Variants in C12orf56 observed in about 807,000 individuals in gnomAD.
C12orf56 encodes the protein chromosome 12 open reading frame 56, also known as uncharacterized protein C12orf56.
Under a neutral mutation model 69.9 loss-of-function variants are expected in C12orf56, and 71 were observed. The observed-to-expected ratio is 1.02, with a 90% confidence interval of 0.84 to 1.24. The LOEUF (loss-of-function observed/expected upper bound fraction) is 1.24. Ranked by LOEUF, C12orf56 falls within the 50% of genes most tolerant of loss-of-function variation. The pLI is 0.00. For missense variants in C12orf56, 732 were observed against 738.5 expected (o/e 0.99, Z 0.10); for synonymous variants, 276 against 274.1 (o/e 1.01, Z -0.07).
At chr12:64,383,537 C>T (rs926747464) in intron 1 of C12orf56, among the ~76,000 whole-genome samples, 4 of 151,902 alleles carry the variant, frequency 2.6e-5, no homozygotes, top group Non-Finnish European at 5.9e-5. Context: ...CCACCACATC[C>T]AGCTAATTTT....
chr12:64,329,721 C>T (rs1475308929), intron 3 of C12orf56, among the ~76,000 whole-genome samples: 1 of 137,466 alleles, frequency 7.3e-6, no homozygotes, highest in Non-Finnish European at 1.5e-5. Flanking sequence ...GTTCCCCTTC[C>T]TGTGTCCATG....
chr12:64,338,638 C>A, intron 2 of C12orf56: 1 of 1,593,012 alleles, frequency 6.3e-7, no homozygotes, highest in Non-Finnish European at 8.6e-7. Context: ...ATTCCATAAT[C>A]TTTAGTCTTT....
At chr12:64,376,658 G>A (rs1468527040) in intron 1 of C12orf56, among the ~76,000 whole-genome samples, 1 of 130,168 alleles carries the variant, frequency 7.7e-6, no homozygotes, top group African/African-American at 3.0e-5. Flanking sequence ...TCCCCACTAT[G>A]TGTCCATGTG....
intron 1 of C12orf56, among the ~76,000 whole-genome samples, chr12:64,384,160 GT>G (rs2039757869): frequency 6.6e-6 from 1 of 152,010 alleles, no homozygotes; most frequent in African/African-American, 2.4e-5. Flanking sequence ...AAGCTAAGCA[GT>G]TTTTTTTAAG....
Position 64,365,162 on chromosome 12 carries a change from C to CT in C12orf56, c.253-12107dup, listed in dbSNP as rs386376771. On this transcript the variant is annotated intron_variant, in intron 1 of 12. Coordinates refer to ENST00000543942, the MANE Select transcript of C12orf56 (RefSeq NM_001170633.2). ...ACTTCATCAGCTGTTAAAGCTGTTC[C>CT]TTTTTTTTTTTTTTTTTTTTAGATG... Among the ~76,000 whole-genome samples, 536 of 123,046 alleles carry CT rather than the reference C, an allele frequency of 4.4e-3. 5 individuals carry two copies. Among genetic ancestry groups the CT allele is most frequent in the East Asian group, 0.041 (169 of 4,130 alleles). 80.7% of individuals were successfully genotyped at this position (123,046 alleles called of 152,430 possible).
intron 8 of C12orf56, among the ~76,000 whole-genome samples, chr12:64,282,481 A>G (rs2038142023): frequency 6.6e-6 from 1 of 152,160 alleles, no homozygotes; most frequent in Non-Finnish European, 1.5e-5. Context: ...CTGCTACACA[A>G]CATAATATGC....
intron 1 of C12orf56, among the ~76,000 whole-genome samples, chr12:64,387,497 T>C (rs1592511092): frequency 1.3e-5 from 2 of 152,294 alleles, no homozygotes; most frequent in East Asian, 3.9e-4. Context: ...CAGTACTTTT[T>C]AGATTCTCAC....
Position 64,365,246 on chromosome 12 carries a change from C to A in C12orf56, c.253-12190G>T, listed in dbSNP as rs1216905073. On this transcript the variant is annotated intron_variant, in intron 1 of 12. Transcript: ENST00000543942. ...GTGGCGCGATCTCGGCTCACTGCAA[C>A]CTCCGCCTTCCGGTTTCAAGTGATT... 2.0e-5 allele frequency among the ~76,000 whole-genome samples: 3 copies of A among 149,460 alleles called. No individual in the cohort carries two copies. In the East Asian group the frequency reaches 5.9e-4, roughly 29 times the overall value.
chr12:64,380,135 CAAAACAAA>C lies in C12orf56; in HGVS notation c.252+10171_252+10178del, dbSNP rs79153405. Among the ~76,000 whole-genome samples, 23 of 43,298 alleles carry C rather than the reference CAAAACAAA, an allele frequency of 5.3e-4. 2 individuals are homozygous for C. Among genetic ancestry groups the C allele is most frequent in the Middle Eastern group, 0.014 (1 of 70 alleles). The allele number at this position is 43,298 out of a possible 152,430, so 28.4% of individuals were successfully genotyped here. A position where few individuals can be genotyped will look rare whatever the true frequency, so the allele number is the denominator to read the frequency against. On this transcript the variant is annotated intron_variant, in intron 1 of 12. Coordinates refer to ENST00000543942, the MANE Select transcript of C12orf56 (RefSeq NM_001170633.2). ...AAAAAAAAAAAAAAAAAAAAAAAAA[CAAAACAAA>C]CAAAAAAAAACGCACAATGCAGCTA...
At chr12:64,283,646 CT>C (rs57539069) in intron 8 of C12orf56, among the ~76,000 whole-genome samples, 9,499 of 138,642 alleles carry the variant, frequency 0.069, 310 homozygotes, top group African/African-American at 0.11. Context: ...GCTTCTCTCT[CT>C]TTTTTTTTTT....
At chr12:64,354,520 T>G (rs1162007781) in intron 1 of C12orf56, among the ~76,000 whole-genome samples, 1 of 151,966 alleles carries the variant, frequency 6.6e-6, no homozygotes, top group Non-Finnish European at 1.5e-5. Flanking sequence ...TGCAATGACA[T>G]GATCTCAGCT....
chr12:64,282,032 T>G (rs1027921841), intron 8 of C12orf56, among the ~76,000 whole-genome samples: 2 of 152,092 alleles, frequency 1.3e-5, no homozygotes, highest in Admixed American at 1.3e-4. Flanking sequence ...TCTTGGAGAT[T>G]AGGGAAACGG....
In C12orf56 at chr12:64,303,749, T is replaced by A; in HGVS notation, c.999A>T (p.Gln333His). The change falls in exon 6 of 13, where the codon CAA (glutamine) becomes CAT (histidine). Residue 333 changes from glutamine (Q) to histidine (H), a missense_variant. Physicochemically the swap from Gln to His is conservative, Grantham distance 24 (BLOSUM62 0). Coordinates refer to ENST00000543942, the MANE Select transcript of C12orf56 (RefSeq NM_001170633.2). ...RSEEKIKHFS[Q>H]LKSELFLKDN... ...CTTTAAGAAAAAGTTCAGATTTAAG[T>A]TGACTGAAGTGCTTAATTTTCTCCT... is the stretch of plus-strand genomic sequence containing the variant. The A allele has an allele frequency of 6.3e-7, 1 of 1,587,104 alleles. No homozygotes were observed. Among genetic ancestry groups the A allele is most frequent in the Non-Finnish European group, 8.6e-7 (1 of 1,168,678 alleles).
intron 3 of C12orf56, among the ~76,000 whole-genome samples, 192 bp from the exon 4 acceptor site, chr12:64,319,172 T>C (rs536321416): frequency 1.3e-5 from 2 of 152,312 alleles, no homozygotes; most frequent in African/African-American, 4.8e-5. Flanking sequence ...TCTTTTAGTA[T>C]ACGTTTCTGT....
intron 8 of C12orf56, among the ~76,000 whole-genome samples, chr12:64,284,384 G>A (rs2038172384): frequency 2.6e-5 from 4 of 152,198 alleles, no homozygotes; most frequent in Admixed American, 2.0e-4. Context: ...TTTAATGTAT[G>A]ATGGGTCATT....
At chr12:64,312,958 A>T (rs2038639534) in intron 4 of C12orf56, among the ~76,000 whole-genome samples, 1 of 152,112 alleles carries the variant, frequency 6.6e-6, no homozygotes, top group African/African-American at 2.4e-5. Context: ...ACACTTGCTC[A>T]TTATAAAATG....
chr12:64,379,831 C>T (rs1438400982), intron 1 of C12orf56, among the ~76,000 whole-genome samples: 1 of 150,462 alleles, frequency 6.6e-6, no homozygotes, highest in African/African-American at 2.4e-5. Flanking sequence ...CGCCTGTAAT[C>T]CCAACACTTT....
intron 2 of C12orf56, among the ~76,000 whole-genome samples, chr12:64,332,688 G>A (rs1394245469): frequency 1.3e-5 from 2 of 152,198 alleles, no homozygotes; most frequent in Non-Finnish European, 2.9e-5. Flanking sequence ...CCTAGCCACA[G>A]CTGATGGGTC....
intron 2 of C12orf56, among the ~76,000 whole-genome samples, chr12:64,349,625 C>T (rs2039194284): frequency 6.6e-6 from 1 of 152,182 alleles, no homozygotes; most frequent in Non-Finnish European, 1.5e-5. Context: ...GCCCATCAAT[C>T]AATGAGTGGA....
Sources: allele counts gnomAD v4.1 joint callset (sites outside exome capture counted in the v4.1 genomes callset), GRCh38; gene constraint gnomAD v4.1.1; transcripts MANE v1.5; gene names NCBI Gene and HGNC (gene_info 2026-07-23, HGNC 2026-07-21).